Variants in TXNRD1 observed in about 807,000 individuals in gnomAD.
TXNRD1 encodes the protein thioredoxin reductase 1.
Under a neutral mutation model 80.3 loss-of-function variants are expected in TXNRD1, and 57 were observed. The observed-to-expected ratio is 0.71, with a 90% CI of 0.57 to 0.89. The LOEUF (loss-of-function observed/expected upper bound fraction) is 0.89. Ranked by LOEUF, TXNRD1 falls within the 40% of genes least tolerant of loss-of-function variation. The probability of loss-of-function intolerance (pLI) is 0.00; values close to 1 mark genes in which losing one functional copy is unlikely to be tolerated. For missense variants in TXNRD1, 730 were observed against 803.0 expected (o/e 0.91, Z 1.10); for synonymous variants, 291 against 285.2 (o/e 1.02, Z -0.20).
At chr12:104,288,091 A>G (rs998180448) in intron 3 of TXNRD1, among the ~76,000 whole-genome samples, 1 of 152,116 alleles carries the variant, frequency 6.6e-6, no homozygotes, top group African/African-American at 2.4e-5. Flanking sequence ...CCTGGGTTCA[A>G]GCGATTCTCC....
intron 3 of TXNRD1, among the ~76,000 whole-genome samples, chr12:104,264,920 T>G (rs2033441637): frequency 6.6e-6 from 1 of 152,210 alleles, no homozygotes; most frequent in East Asian, 1.9e-4. Flanking sequence ...AATAACTTCA[T>G]AAGCTCAAAG....
At chr12:104,227,650 A>G (rs111975784) in intron 1 of TXNRD1, among the ~76,000 whole-genome samples, 2,066 of 152,272 alleles carry the variant, frequency 0.014, 35 homozygotes, top group South Asian at 0.073. Context: ...AATTTCACCC[A>G]TGCTATCCCT....
chr12:104,324,209 T>G (rs1434220501), intron 10 of TXNRD1, among the ~76,000 whole-genome samples: 1 of 152,182 alleles, frequency 6.6e-6, no homozygotes, highest in African/African-American at 2.4e-5. Flanking sequence ...ACATTTTGAT[T>G]AAAATTAAAC....
rs959037649 is a variant in TXNRD1, at chr12:104,345,965, TAA to T, written c.1882-2384_1882-2383del. ...CATTTTTTAAAAATACATGTTTTTA[TAA>T]AAATTCTAAAACAGTTGTGTACGAA... On this transcript the variant is annotated intron_variant, in intron 16 of 16. Transcript: ENST00000525566. The T allele has an allele frequency of 2.3e-6, 3 of 1,288,654 alleles. No homozygotes were observed. In the African/African-American group the frequency reaches 4.6e-5, roughly 20 times the overall value. 79.8% of individuals were successfully genotyped at this position (1,288,654 alleles called of 1,614,324 possible).
chr12:104,287,132 CCAGA>C, intron 3 of TXNRD1: 3 of 1,514,060 alleles, frequency 2.0e-6, no homozygotes, highest in Non-Finnish European at 2.6e-6. Context: ...TCGGGTGAAA[CCAGA>C]CAAAGCCGCG....
intron 3 of TXNRD1, among the ~76,000 whole-genome samples, chr12:104,268,193 T>C (rs113364950): frequency 4.2e-5 from 3 of 71,800 alleles, no homozygotes; most frequent in Admixed American, 1.6e-4. Context: ...TTCTTTCTTT[T>C]ATTTTTTATT....
chr12:104,313,836 C>T (rs1339380284), intron 6 of TXNRD1, among the ~76,000 whole-genome samples: 1 of 151,958 alleles, frequency 6.6e-6, no homozygotes, highest in African/African-American at 2.4e-5. Context: ...AGTGGGGAGA[C>T]AAAAGATACC....
intron 1 of TXNRD1, among the ~76,000 whole-genome samples, chr12:104,248,886 C>T (rs2033052105): frequency 6.6e-6 from 1 of 151,930 alleles, no homozygotes; most frequent in Admixed American, 6.6e-5. Context: ...AGTGCACGAT[C>T]TCGGCTCACT....
chr12:104,278,401 A>G (rs893812921), intron 3 of TXNRD1, among the ~76,000 whole-genome samples: 1 of 139,130 alleles, frequency 7.2e-6, no homozygotes, highest in Non-Finnish European at 1.5e-5. Context: ...GGGTTTCACC[A>G]TTTTAGCCAG....
intron 9 of TXNRD1, among the ~76,000 whole-genome samples, chr12:104,319,982 C>T (rs1346207412): frequency 6.6e-6 from 1 of 152,036 alleles, no homozygotes; most frequent in Non-Finnish European, 1.5e-5. Flanking sequence ...CATGTATTAC[C>T]CTTTAACACT....
intron 15 of TXNRD1, among the ~76,000 whole-genome samples, chr12:104,335,012 G>A (rs963972944): frequency 6.6e-6 from 1 of 152,272 alleles, no homozygotes; most frequent in Non-Finnish European, 1.5e-5. Flanking sequence ...TACTAAGAAA[G>A]AGCTCTTAAT....
At chr12:104,314,829 C>G (rs1019516063) in intron 6 of TXNRD1, among the ~76,000 whole-genome samples, 7 of 150,872 alleles carry the variant, frequency 4.6e-5, no homozygotes, top group African/African-American at 1.7e-4. Context: ...GCAACCTCCA[C>G]CTCCTGGGTA....
chr12:104,319,482 A>G lies in TXNRD1; in HGVS notation c.886A>G (p.Lys296Glu). The G allele has an allele frequency of 6.3e-7, 1 of 1,582,302 alleles. No homozygotes were observed. The highest frequency in any genetic ancestry group is 1.2e-5 in the South Asian group (1 of 86,098). ...GGTTCCTTTGTAGGCAACAAATAAT[A>G]AAGGCAAAGAAAAAATTTATTCAGC... The part of the protein sequence containing the change: ...GPHRIKATNN[K>E]GKEKIYSAER... The change falls in exon 9 of 17, where the codon AAA becomes GAA. Residue 296 changes from lysine to glutamate, a missense_variant. Physicochemically the swap from Lys to Glu is moderately conservative, Grantham distance 56 (BLOSUM62 1). Transcript: ENST00000525566.
chr12:104,313,225 T>A lies in TXNRD1; in HGVS notation c.538-20T>A. 6.4e-7 allele frequency: 1 copy of A among 1,558,290 alleles called. No homozygotes were observed. The highest frequency in any genetic ancestry group is 1.2e-5 in the South Asian group (1 of 84,606). On this transcript the variant is annotated intron_variant, in intron 5 of 16. Transcript: ENST00000525566. ...GTCATGTTAACCTTTCCAACTCACT[T>A]TAATAATTTTATTTTCCAGGAGGCA...
At chr12:104,286,589 T>C (rs1040391728) in intron 3 of TXNRD1, 8 of 412,350 alleles carry the variant, frequency 1.9e-5, no homozygotes, top group Non-Finnish European at 2.6e-5. Context: ...CTTTGGAGTT[T>C]TTTTTTTTTT....
At chr12:104,333,282 A>C (rs1299421150) in intron 14 of TXNRD1, among the ~76,000 whole-genome samples, 1 of 151,928 alleles carries the variant, frequency 6.6e-6, no homozygotes, top group African/African-American at 2.4e-5. Context: ...TGAAATTTTT[A>C]ATATATATTT....
At chr12:104,325,744 C>T (rs1307428301) in intron 11 of TXNRD1, among the ~76,000 whole-genome samples, 8 of 151,996 alleles carry the variant, frequency 5.3e-5, no homozygotes, top group African/African-American at 9.7e-5. Context: ...TGGTGGCGTG[C>T]GCCTGTAGTC....
At position 104,288,972 on chromosome 12, in the gene TXNRD1, G is replaced by A. The variant is rs778413832; in HGVS notation, c.346G>A (p.Ala116Thr). Residue 116 changes from alanine (A) to threonine (T), a missense_variant, in exon 4 of 17, where the codon GCG becomes ACG. Physicochemically the swap from Ala to Thr is moderately conservative, Grantham distance 58. Coordinates refer to ENST00000525566, the MANE Select transcript of TXNRD1 (RefSeq NM_001093771.3). ...GGAAGGAACGCTCTCGGAATTGGCC[G>A]CGGAAACCGATCTGCCCGTTGTGTT... Reference protein sequence around the residue: ...ALEGTLSELAAETDLPVVFVK... With the variant: ...ALEGTLSELATETDLPVVFVK... 2.5e-6 allele frequency: 4 copies of A among 1,614,032 alleles called. No homozygotes were observed. Among genetic ancestry groups the A allele is most frequent in the East Asian group, 4.5e-5 (2 of 44,890 alleles).
At chr12:104,336,611 C>T (rs34102530) in intron 15 of TXNRD1, among the ~76,000 whole-genome samples, 45 of 152,228 alleles carry the variant, frequency 3.0e-4, no homozygotes, top group Admixed American at 2.4e-3. Flanking sequence ...AAGGTACTCA[C>T]CATCCAAAGT....
Sources: gnomAD v4.1 joint callset for allele counts (sites outside exome capture counted in the v4.1 genomes callset) on GRCh38, gnomAD v4.1.1 for gene constraint, MANE v1.5 for transcripts, NCBI Gene and HGNC (gene_info 2026-07-23, HGNC 2026-07-21) for gene names.